KCNN3: variants seen among roughly 807,000 people sequenced by gnomAD.
The protein encoded by KCNN3 is potassium calcium-activated channel subfamily N member 3, also known as small conductance calcium-activated potassium channel protein 3.
A neutral mutation model predicts 62.9 loss-of-function variants in KCNN3; 16 were observed. That is an observed-to-expected ratio of 0.25 (90% CI 0.17 to 0.39). The LOEUF is 0.39. Ranked by LOEUF, KCNN3 falls within the 10% of genes least tolerant of loss-of-function variation. The pLI, the probability that KCNN3 is intolerant of heterozygous loss-of-function variation, is 1.00. For missense variants in KCNN3, 599 were observed against 949.4 expected (o/e 0.63, Z 4.85); for synonymous variants, 370 against 389.2 (o/e 0.95, Z 0.58).
intron 3 of KCNN3, among the ~76,000 whole-genome samples, chr1:154,749,360 C>T (rs1404539463): frequency 6.6e-6 from 1 of 152,214 alleles, no homozygotes; most frequent in East Asian, 1.9e-4. Flanking sequence ...GCAGGCAGCT[C>T]CCCAGGCAAG....
At chr1:154,732,674 C>A (rs1700621958) in intron 4 of KCNN3, among the ~76,000 whole-genome samples, 1 of 152,170 alleles carries the variant, frequency 6.6e-6, no homozygotes, top group Non-Finnish European at 1.5e-5. Flanking sequence ...TGGAGGTGAG[C>A]AAACTGGGTG....
Position 154,790,860 on chromosome 1 carries a change from G to A in KCNN3, c.1030-18467C>T, listed in dbSNP as rs565131113. ...TACTGTACAGAATTTCAGGTTTGCA[G>A]GAGACAAGAGTTCTGGAGATTGTTT... On this transcript the variant is annotated intron_variant, in intron 2 of 7. Transcript: ENST00000271915. 2.0e-5 allele frequency among the ~76,000 whole-genome samples: 3 copies of A among 152,304 alleles called. No homozygotes were observed. The East Asian group carries it at 5.8e-4, about 29-fold the overall frequency.
At chr1:154,722,148 G>T (rs1191592357) in intron 5 of KCNN3, among the ~76,000 whole-genome samples, 1 of 152,146 alleles carries the variant, frequency 6.6e-6, no homozygotes, top group South Asian at 2.1e-4. Flanking sequence ...AAGACAGGAT[G>T]AATAAATACT....
intron 3 of KCNN3, among the ~76,000 whole-genome samples, chr1:154,741,795 T>C (rs964346710): frequency 1.3e-5 from 2 of 152,152 alleles, no homozygotes; most frequent in Admixed American, 6.5e-5. Flanking sequence ...GATTTGTTTG[T>C]TGGAAATTTG....
At chr1:154,857,150 C>A (rs1652570736) in intron 1 of KCNN3, among the ~76,000 whole-genome samples, 1 of 152,220 alleles carries the variant, frequency 6.6e-6, no homozygotes, top group Non-Finnish European at 1.5e-5. Context: ...GCCCTTGTCT[C>A]ATTTATTCCT....
intron 7 of KCNN3, among the ~76,000 whole-genome samples, chr1:154,712,842 G>A (rs1356872855): frequency 6.6e-6 from 1 of 152,162 alleles, no homozygotes; most frequent in Non-Finnish European, 1.5e-5. Flanking sequence ...CTCAGGGCCA[G>A]AAACAGAGTG....
At chr1:154,827,234 G>A (rs1323694743) in intron 1 of KCNN3, among the ~76,000 whole-genome samples, 4 of 152,204 alleles carry the variant, frequency 2.6e-5, no homozygotes, top group African/African-American at 7.2e-5. Context: ...GCTTATGACT[G>A]TGGTTCTGTA....
chr1:154,806,366 T>C (rs1239476188), intron 2 of KCNN3, among the ~76,000 whole-genome samples: 4 of 152,196 alleles, frequency 2.6e-5, no homozygotes, highest in Non-Finnish European at 5.9e-5. Flanking sequence ...GTCACCGAAG[T>C]CTCTTGTTTG....
At chr1:154,826,907 A>G (rs576340766) in intron 1 of KCNN3, among the ~76,000 whole-genome samples, 1 of 152,362 alleles carries the variant, frequency 6.6e-6, no homozygotes, top group South Asian at 2.1e-4. Flanking sequence ...TAACTGAGAT[A>G]ATGATGCGCA....
At chr1:154,734,718 G>A (rs1700673439) in intron 3 of KCNN3, among the ~76,000 whole-genome samples, 1 of 152,238 alleles carries the variant, frequency 6.6e-6, no homozygotes, top group Non-Finnish European at 1.5e-5. Context: ...TGGTATGACG[G>A]ATACTGTGCA....
At chr1:154,740,044 G>A (rs1700796670) in intron 3 of KCNN3, among the ~76,000 whole-genome samples, 1 of 152,188 alleles carries the variant, frequency 6.6e-6, no homozygotes, top group African/African-American at 2.4e-5. Context: ...GGAGCAAGTT[G>A]TTATGTAGCA....
chr1:154,858,356 G>A (rs891349335), intron 1 of KCNN3, among the ~76,000 whole-genome samples: 23 of 152,116 alleles, frequency 1.5e-4, no homozygotes, highest in African/African-American at 2.4e-5. Context: ...TCTGGCCCAC[G>A]TTGAATTCTT....
chr1:154,757,319 G>C (rs915755139), intron 3 of KCNN3, among the ~76,000 whole-genome samples: 1 of 152,188 alleles, frequency 6.6e-6, no homozygotes, highest in Non-Finnish European at 1.5e-5. Flanking sequence ...CAGGACAGGA[G>C]CCTCTTGTCT....
intron 2 of KCNN3, among the ~76,000 whole-genome samples, chr1:154,774,956 T>G (rs1648728572): frequency 6.6e-6 from 1 of 152,206 alleles, no homozygotes; most frequent in Non-Finnish European, 1.5e-5. Flanking sequence ...GAGGTTTTAT[T>G]TAACCTGGAA....
intron 5 of KCNN3, among the ~76,000 whole-genome samples, chr1:154,720,121 A>T (rs1700316891): frequency 6.6e-6 from 1 of 152,162 alleles, no homozygotes; most frequent in African/African-American, 2.4e-5. Flanking sequence ...GTTCCAAGGA[A>T]CTGACCGCCC....
chr1:154,859,938 A>G (rs1401898759), intron 1 of KCNN3: 2 of 992,426 alleles, frequency 2.0e-6, no homozygotes, highest in African/African-American at 1.6e-5. Context: ...ATTATTTCAC[A>G]CATCATTTGC....
chr1:154,866,883 C>A (rs1231992882), intron 1 of KCNN3, among the ~76,000 whole-genome samples: 3 of 152,192 alleles, frequency 2.0e-5, no homozygotes, highest in Non-Finnish European at 4.4e-5. Context: ...TCCCTGAGCT[C>A]CCCCTCAGGG....
chr1:154,740,950 T>C (rs1049231558), intron 3 of KCNN3, among the ~76,000 whole-genome samples: 7 of 152,250 alleles, frequency 4.6e-5, no homozygotes, highest in African/African-American at 1.4e-4. Context: ...TTCTCTACAG[T>C]ATTTTTGATG....
chr1:154,741,385 G>T (rs1034900177), intron 3 of KCNN3, among the ~76,000 whole-genome samples: 1 of 152,130 alleles, frequency 6.6e-6, no homozygotes, highest in Non-Finnish European at 1.5e-5. Context: ...ACATAATAGG[G>T]GCTCACTAAA....
Sources: gnomAD v4.1 joint callset for allele counts (sites outside exome capture counted in the v4.1 genomes callset) on GRCh38, gnomAD v4.1.1 for gene constraint, MANE v1.5 for transcripts, NCBI Gene and HGNC (gene_info 2026-07-23, HGNC 2026-07-21) for gene names.